Variants in EPS8L3 observed in about 807,000 individuals in gnomAD.
The protein encoded by EPS8L3 is EPS8 signaling adaptor L3.
A neutral mutation model predicts 88.5 loss-of-function variants in EPS8L3; 80 were observed. That is an observed-to-expected ratio of 0.90 (90% CI 0.75 to 1.09). The LOEUF (loss-of-function observed/expected upper bound fraction) is 1.09. Ranked by LOEUF, EPS8L3 falls within the 50% of genes least tolerant of loss-of-function variation. EPS8L3 has a pLI of 0.00. For missense variants in EPS8L3, 721 were observed against 735.2 expected (o/e 0.98, Z 0.22); for synonymous variants, 286 against 291.0 (o/e 0.98, Z 0.18).
At chr1:109,762,537 T>C (rs1025816795) in intron 1 of EPS8L3, among the ~76,000 whole-genome samples, 2 of 152,176 alleles carry the variant, frequency 1.3e-5, no homozygotes, top group African/African-American at 4.8e-5. Context: ...CCAGCAACAA[T>C]AGTCACAATA....
chr1:109,754,585 T>G (rs990745122), intron 12 of EPS8L3, among the ~76,000 whole-genome samples: 2 of 152,262 alleles, frequency 1.3e-5, no homozygotes, highest in Non-Finnish European at 2.9e-5. Flanking sequence ...GTTTTGCATC[T>G]TCGTGGGTAT....
Position 109,763,300 on chromosome 1 carries a change from G to A in EPS8L3, c.-25+522C>T, listed in dbSNP as rs796766604. On this transcript the variant is annotated intron_variant, in intron 1 of 18. Coordinates refer to ENST00000361965, the MANE Select transcript of EPS8L3 (RefSeq NM_133181.4). ...TCCCCAGCCTCCCCCAACCCCCATT[G>A]TAACACTTCCTGCTTCTCCATGCTC... Among the ~76,000 whole-genome samples, 23 of 149,212 alleles carry A rather than the reference G, an allele frequency of 1.5e-4. 1 individual carries two copies. Among genetic ancestry groups the A allele is most frequent in the African/African-American group, 4.7e-4 (19 of 40,554 alleles).
Position 109,750,296 on chromosome 1 carries a change from G to T in EPS8L3, c.*95C>A. 1 of 1,489,744 alleles carries T rather than the reference G, an allele frequency of 6.7e-7. No homozygotes were observed. The highest frequency in any genetic ancestry group is 9.3e-7 in the Non-Finnish European group (1 of 1,080,692). 92.3% of individuals were successfully genotyped at this position (1,489,744 alleles called of 1,614,324 possible). A position where few individuals can be genotyped will look rare whatever the true frequency, so the allele number is the denominator to read the frequency against. On this transcript the variant is annotated 3_prime_UTR_variant, in exon 19 of 19. Transcript: ENST00000361965. ...GGGGTGTGGGGTTTGCTGCAAACTG[G>T]GATCCAGAAGAGGAATTCTCGGGGC...
rs750876716 is a variant in EPS8L3 at position 109,758,104 on chromosome 1, C to T, written c.718-46G>A. ...GGCCTTGAACGGGCAGTTGGGCCCA[C>T]CCTGGAACTCCCCACACTGCCCCCC... On this transcript the variant is annotated intron_variant, in intron 8 of 18. Transcript: ENST00000361965. The T allele has an allele frequency of 1.6e-5, 24 of 1,529,616 alleles. No individual in the cohort carries two copies. In the East Asian group the frequency reaches 5.4e-4, roughly 34 times the overall value. 94.8% of individuals were successfully genotyped at this position (1,529,616 alleles called of 1,614,324 possible).
At position 109,757,547 on chromosome 1, in the gene EPS8L3, C is replaced by T. The variant is rs1557994989; in HGVS notation, c.903G>A (p.Leu301=). 3 of 1,613,912 alleles carry T rather than the reference C, an allele frequency of 1.9e-6. No homozygotes were observed. The highest frequency in any genetic ancestry group is 1.6e-4 in the Middle Eastern group (1 of 6,062). ...IKHSFNLLGR[L]ATWLKETSAP... ...CACTTGTCTCCTTCAGCCAGGTGGC[C>T]AGCCTTCCCTGGGGACACAGAGCAA... The change falls in exon 11 of 19, where the codon CTG becomes CTA. Residue 301 remains leucine (L), a synonymous_variant. Coordinates refer to ENST00000361965, the MANE Select transcript of EPS8L3 (RefSeq NM_133181.4).
At chr1:109,762,003 G>T (rs1651025941) in intron 1 of EPS8L3, among the ~76,000 whole-genome samples, 1 of 152,140 alleles carries the variant, frequency 6.6e-6, no homozygotes, top group Non-Finnish European at 1.5e-5. Flanking sequence ...GGAGGGTCAG[G>T]GAGGCCACAG....
intron 2 of EPS8L3, 43 bp from the exon 3 acceptor site, chr1:109,761,602 C>G (rs369952532): frequency 6.2e-7 from 1 of 1,610,626 alleles, no homozygotes; most frequent in Non-Finnish European, 8.5e-7. Context: ...GGCAGAAGAA[C>G]GAGGTGAGAC....
chr1:109,759,939 G>C lies in EPS8L3; in HGVS notation c.97-103C>G, dbSNP rs1046858793. ...CAGAAGAGGAAGAAGACGTGTCCTC[G>C]GCCCCCTTGAGGTAGGAGGTTCCAG... On this transcript the variant is annotated intron_variant, in intron 3 of 18. Coordinates refer to ENST00000361965, the MANE Select transcript of EPS8L3 (RefSeq NM_133181.4). The surrounding 1 kb of genome is among the most constrained non-coding windows in gnomAD (Gnocchi z 4.2). 10 of 1,293,128 alleles carry C rather than the reference G, an allele frequency of 7.7e-6. No homozygotes were observed. The highest frequency in any genetic ancestry group is 1.9e-4 in the Middle Eastern group (1 of 5,276). 80.1% of individuals were successfully genotyped at this position (1,293,128 alleles called of 1,614,324 possible). A position where few individuals can be genotyped will look rare whatever the true frequency, so the allele number is the denominator to read the frequency against.
chr1:109,753,634 A>C (rs1418229860), intron 12 of EPS8L3, among the ~76,000 whole-genome samples: 2 of 152,054 alleles, frequency 1.3e-5, no homozygotes, highest in South Asian at 2.1e-4. Flanking sequence ...GTGGATTTCC[A>C]CCCAGTGAAG....
chr1:109,758,964 G>C (rs1650596063), intron 6 of EPS8L3, 98 bp downstream of exon 6: 1 of 1,342,442 alleles, frequency 7.4e-7, no homozygotes, highest in African/African-American at 1.4e-5. Context: ...GGTTGGTTGG[G>C]CCACAACCTC....
rs766400451 is a variant in EPS8L3, at chr1:109,759,853, A to C, written c.97-17T>G. ...CATCAAGTGCTGCAGGGAGAGGGGG[A>C]GTCCTAGGACTGGGAGAAAGCTCAG... On this transcript the variant is annotated splice_polypyrimidine_tract_variant and intron_variant, in intron 3 of 18. Coordinates refer to ENST00000361965, the MANE Select transcript of EPS8L3 (RefSeq NM_133181.4). The surrounding 1 kb of genome is among the most constrained non-coding windows in gnomAD (Gnocchi z 4.2). 1 of 1,612,056 alleles carries C rather than the reference A, an allele frequency of 6.2e-7. No individual in the cohort carries two copies. The highest frequency in any genetic ancestry group is 1.1e-5 in the South Asian group (1 of 91,000).
intron 6 of EPS8L3, 75 bp from the exon 7 acceptor site, chr1:109,758,738 A>C (rs1650571108): frequency 1.3e-6 from 2 of 1,496,648 alleles, no homozygotes; most frequent in Admixed American, 2.3e-5. Context: ...ATTCTGCTCC[A>C]GGACCCAGGG....
At chr1:109,757,768 G>C in intron 10 of EPS8L3, 34 bp downstream of exon 10, 1 of 1,598,444 alleles carries the variant, frequency 6.3e-7, no homozygotes, top group East Asian at 2.2e-5. Flanking sequence ...AGGGGAAGAG[G>C]AGAGGCCTGG....
chr1:109,758,600 C>T lies in EPS8L3; in HGVS notation c.525G>A (p.Pro175=), dbSNP rs553969081. 7.5e-5 allele frequency: 121 copies of T among 1,612,958 alleles called. No individual in the cohort carries two copies. Among genetic ancestry groups the T allele is most frequent in the Middle Eastern group, 1.7e-4 (1 of 6,056 alleles). The part of the protein sequence containing the change: ...DRWRGPAMER[P]LPMEQARYLE... ...GATAGCGTGCCTGCTCCATAGGGAG[C>T]GGCCTTTCCATAGCAGGCCCCCTCC... is the stretch of plus-strand genomic sequence containing the variant. Residue 175 remains proline, a synonymous_variant, in exon 7 of 19, where the codon CCG becomes CCA. Transcript: ENST00000361965.
intron 1 of EPS8L3, 68 bp from the exon 2 acceptor site, chr1:109,761,841 A>G (rs1651004478): frequency 7.0e-7 from 1 of 1,424,860 alleles, no homozygotes. Flanking sequence ...ACAGCAGGGC[A>G]GGACAGTTGC....
intron 18 of EPS8L3, 97 bp from the exon 19 acceptor site, chr1:109,750,499 A>T: frequency 5.7e-6 from 9 of 1,587,694 alleles, no homozygotes; most frequent in Non-Finnish European, 7.7e-6. Flanking sequence ...GTAAGCCTGA[A>T]TGCATGAAGC....
Position 109,753,727 on chromosome 1 carries a change from C to T in EPS8L3, c.1119-529G>A, listed in dbSNP as rs117898429. Among the ~76,000 whole-genome samples the T allele has an allele frequency of 9.6e-4, 146 of 152,348 alleles. 2 individuals are homozygous for T. The East Asian group carries it at 0.025, about 27-fold the overall frequency. Reference sequence around the variant, plus strand: ...CTCAGCCTCCCCCTCGCCCATTACACAGGGCCCAGGAGGACCATGCTGTTT... The same window carrying T: ...CTCAGCCTCCCCCTCGCCCATTACATAGGGCCCAGGAGGACCATGCTGTTT... On this transcript the variant is annotated intron_variant, in intron 12 of 18. Coordinates refer to ENST00000361965, the MANE Select transcript of EPS8L3 (RefSeq NM_133181.4).
chr1:109,763,696 C>G (rs937227702), intron 1 of EPS8L3, 126 bp downstream of exon 1: 9 of 152,786 alleles, frequency 5.9e-5, no homozygotes, highest in Non-Finnish European at 1.5e-5. Flanking sequence ...TGGGCTTGAT[C>G]CCCTGGGCTG....
At chr1:109,761,844 A>G (rs1570709251) in intron 1 of EPS8L3, 71 bp from the exon 2 acceptor site, 3 of 1,408,704 alleles carry the variant, frequency 2.1e-6, no homozygotes, top group South Asian at 1.2e-5. Context: ...GCAGGGCAGG[A>G]CAGTTGCTAT....
Sources: allele counts gnomAD v4.1 joint callset (sites outside exome capture counted in the v4.1 genomes callset), GRCh38; gene constraint gnomAD v4.1.1; non-coding constraint Gnocchi (gnomAD v3.1); transcripts MANE v1.5; gene names NCBI Gene and HGNC (gene_info 2026-07-23, HGNC 2026-07-21).